The following BLM variants were observed in gnomAD, a reference collection of about 807,000 sequenced individuals.
BLM encodes recQ-like DNA helicase BLM.
A neutral mutation model predicts 135.3 loss-of-function variants in BLM; 95 were observed. That is an observed-to-expected ratio of 0.70 (90% CI 0.59 to 0.83). BLM has a LOEUF of 0.83. Ranked by LOEUF, BLM falls within the 40% of genes least tolerant of loss-of-function variation. The pLI is 0.00. For missense variants in BLM, 1,518 were observed against 1,663.9 expected, an observed-to-expected ratio of 0.91 and a Z score of 1.53; for synonymous variants, 520 against 589.2, an observed-to-expected ratio of 0.88 and a Z score of 1.70.
At chr15:90,770,171 C>T (rs1409541278) in intron 12 of BLM, among the ~76,000 whole-genome samples, 1 of 144,440 alleles carries the variant, frequency 6.9e-6, no homozygotes. Flanking sequence ...AAGAAATCCC[C>T]CCCCCCTTTT....
chr15:90,743,797 A>G (rs1895431752), intron 1 of BLM, among the ~76,000 whole-genome samples: 1 of 152,248 alleles, frequency 6.6e-6, no homozygotes, highest in South Asian at 2.1e-4. Context: ...TCCTGAAAGC[A>G]TTCCCACTGA....
In BLM at chr15:90,739,090, A is replaced by G. The variant is rs144205750; in HGVS notation, c.-4-8299A>G. Among the ~76,000 whole-genome samples the G allele has an allele frequency of 1.3e-4, 20 of 152,280 alleles. No homozygotes were observed. In the East Asian group the frequency reaches 3.9e-3, roughly 29 times the overall value. ...TGGTATGTATCTACAGTTAGATATT[A>G]TTCAGCCTTAAAAAGGAAGGAGCGG... On this transcript the variant is annotated intron_variant, in intron 1 of 21. Coordinates refer to ENST00000355112, the MANE Select transcript of BLM (RefSeq NM_000057.4).
intron 19 of BLM, among the ~76,000 whole-genome samples, chr15:90,807,464 A>G (rs970030164): frequency 6.6e-6 from 1 of 152,022 alleles, no homozygotes; most frequent in African/African-American, 2.4e-5. Flanking sequence ...GCAGTGGTTG[A>G]ACACAGCTCA....
At position 90,803,667 on chromosome 15, in the gene BLM, G is replaced by A. The variant is rs777492549; in HGVS notation, c.3505G>A (p.Ala1169Thr). The A allele has an allele frequency of 1.3e-5, 21 of 1,614,002 alleles. No homozygotes were observed. In the Admixed American group the frequency reaches 2.5e-4, roughly 19 times the overall value. Residue 1169 changes from alanine to threonine, a missense_variant, in exon 18 of 22, where the codon GCT (alanine) becomes ACT (threonine). This residue lies in a region of BLM where 626 missense variants were observed against 681.1 expected (regional missense o/e 0.92). Coordinates refer to ENST00000355112, the MANE Select transcript of BLM (RefSeq NM_000057.4). Reference sequence around the variant, plus strand: ...TATCAATGCCAATGACCAGGCGATCGCTTATGTGATGCTCGGAAATAAAGC... The same window carrying A: ...TATCAATGCCAATGACCAGGCGATCACTTATGTGATGCTCGGAAATAAAGC... ...LYINANDQAI[A>T]YVMLGNKAQT... is the part of the protein sequence containing the mutation.
At chr15:90,730,693 G>T (rs954842718) in intron 1 of BLM, among the ~76,000 whole-genome samples, 26 of 152,016 alleles carry the variant, frequency 1.7e-4, no homozygotes, top group African/African-American at 6.3e-4. Context: ...TGATCTGCCC[G>T]TCTCAGCCTC....
In BLM at chr15:90,814,641, C is replaced by A. The variant is rs369013105; in HGVS notation, c.4077-461C>A. On this transcript the variant is annotated intron_variant, in intron 21 of 21. Coordinates refer to ENST00000355112, the MANE Select transcript of BLM (RefSeq NM_000057.4). ...CACCCAGCTCCACCCCATGCATGCT[C>A]ACCCCACAGCTGCCTTGCTCTGGAC... Among the ~76,000 whole-genome samples the A allele has an allele frequency of 1.2e-3, 185 of 152,330 alleles. 1 individual carries two copies. The highest frequency in any genetic ancestry group is 4.3e-3 in the African/African-American group (180 of 41,572).
At chr15:90,758,437 A>C (rs1054982028) in intron 5 of BLM, among the ~76,000 whole-genome samples, 1 of 152,210 alleles carries the variant, frequency 6.6e-6, no homozygotes, top group Non-Finnish European at 1.5e-5. Flanking sequence ...CAGTAAGCCG[A>C]CATTGCACCA....
intron 13 of BLM, among the ~76,000 whole-genome samples, chr15:90,784,327 CTTTTT>C (rs769540432): frequency 2.9e-5 from 2 of 70,002 alleles, no homozygotes; most frequent in Non-Finnish European, 2.5e-5. Context: ...AATGGCTTTT[CTTTTT>C]TTTTTTTTTT....
intron 11 of BLM, 63 bp from the exon 12 acceptor site, chr15:90,769,365 ATTGAGCAGTG>A: frequency 6.3e-7 from 1 of 1,585,014 alleles, no homozygotes; most frequent in Non-Finnish European, 8.7e-7. Context: ...TTCTTAATAC[ATTGAGCAGTG>A]TTGGCTTTTT....
chr15:90,729,088 T>C (rs920360388), intron 1 of BLM, among the ~76,000 whole-genome samples: 1 of 152,004 alleles, frequency 6.6e-6, no homozygotes, highest in African/African-American at 2.4e-5. Flanking sequence ...GGCGGGCAGG[T>C]CACCTGAGGT....
At chr15:90,778,351 G>A (rs992603831) in intron 12 of BLM, among the ~76,000 whole-genome samples, 5 of 152,198 alleles carry the variant, frequency 3.3e-5, no homozygotes, top group African/African-American at 1.2e-4. Flanking sequence ...TGTGCCAGAT[G>A]TTTTTAGTAA....
chr15:90,727,168 T>C (rs1458104766), intron 1 of BLM, among the ~76,000 whole-genome samples: 1 of 152,128 alleles, frequency 6.6e-6, no homozygotes, highest in African/African-American at 2.4e-5. Context: ...GTTTTTGTTT[T>C]TGTTTTTTTA....
rs547797604 is a variant in BLM at position 90,810,920 on chromosome 15, C to T, written c.3875-285C>T. On this transcript the variant is annotated intron_variant, in intron 20 of 21. Coordinates refer to ENST00000355112, the MANE Select transcript of BLM (RefSeq NM_000057.4). ...CAACAACAGGAACACAGGCCATATG[C>T]GACAGTATGAGCTAAACCTCATGTC... is the stretch of plus-strand genomic sequence containing the variant. 9.9e-5 allele frequency among the ~76,000 whole-genome samples: 15 copies of T among 152,246 alleles called. No homozygotes were observed. The South Asian group carries it at 1.9e-3, about 19-fold the overall frequency.
At chr15:90,717,887 G>C (rs1894650319) in intron 1 of BLM, among the ~76,000 whole-genome samples, 1 of 152,204 alleles carries the variant, frequency 6.6e-6, no homozygotes, top group Non-Finnish European at 1.5e-5. Flanking sequence ...AGTGTCTACT[G>C]TGTGCCATGT....
rs757112333 is a variant in BLM, at chr15:90,751,946, G to C, written c.959G>C (p.Ser320Thr). 13 of 1,606,346 alleles carry C rather than the reference G, an allele frequency of 8.1e-6. No homozygotes were observed. The highest frequency in any genetic ancestry group is 4.0e-5 in the African/African-American group (3 of 74,782). Residue 320 changes from serine (S) to threonine (T), a missense_variant and splice_region_variant, in exon 4 of 22, where the codon AGT becomes ACT. By Grantham distance (58) the Ser-to-Thr change is moderately conservative (BLOSUM62 1). This residue lies in a region of BLM where 724 missense variants were observed against 756.9 expected (regional missense o/e 0.96). Transcript: ENST00000355112. The part of the protein sequence containing the change: ...SASSSSSKCL[S>T]TLKDLDTSDR... ...TCTTCTTCCTCTTCAAAATGCCTTA[G>C]GTAAACTAGCTAAATAATTAGCATT...
At chr15:90,726,250 T>C (rs969860363) in intron 1 of BLM, among the ~76,000 whole-genome samples, 2 of 152,168 alleles carry the variant, frequency 1.3e-5, no homozygotes, top group Non-Finnish European at 2.9e-5. Context: ...TCTTCCCATC[T>C]AGCTGTAATT....
At chr15:90,790,980 C>A in intron 15 of BLM, 136 bp downstream of exon 15, 1 of 857,298 alleles carries the variant, frequency 1.2e-6, no homozygotes, top group Non-Finnish European at 1.8e-6. Context: ...TACAGATTGG[C>A]AATTTTATTT....
chr15:90,804,211 A>G lies in BLM; in HGVS notation c.3603A>G (p.Gln1201=), dbSNP rs2151194830. 3 of 1,614,222 alleles carry G rather than the reference A, an allele frequency of 1.9e-6. No individual in the cohort carries two copies. Among genetic ancestry groups the G allele is most frequent in the Non-Finnish European group, 2.5e-6 (3 of 1,180,032 alleles). The part of the protein sequence containing the change: ...ETENSSSVKK[Q]KALVAKVSQR... Reference sequence around the variant, plus strand: ...AAAATTCCAGCAGTGTGAAAAAACAAAAAGCGTTAGTAGCAAAAGTGTCTC... The same window carrying G: ...AAAATTCCAGCAGTGTGAAAAAACAGAAAGCGTTAGTAGCAAAAGTGTCTC... Residue 1201 remains glutamine, a synonymous_variant, in exon 19 of 22, where the codon CAA becomes CAG. Transcript: ENST00000355112.
At chr15:90,760,331 C>A (rs1401218172) in intron 6 of BLM, 52 bp downstream of exon 6, 3 of 1,609,922 alleles carry the variant, frequency 1.9e-6, no homozygotes, top group Non-Finnish European at 2.5e-6. Flanking sequence ...TTCTACCACT[C>A]TAAGTGAAAA....
Sources: allele counts gnomAD v4.1 joint callset (sites outside exome capture counted in the v4.1 genomes callset), GRCh38; gene constraint gnomAD v4.1.1; regional missense constraint gnomAD v4.1.1; transcripts MANE v1.5; gene names NCBI Gene and HGNC (gene_info 2026-07-23, HGNC 2026-07-21).